Variants in CDH19 observed in about 807,000 individuals in gnomAD.
CDH19 encodes cadherin 19, also known as cadherin-19.
Under a neutral mutation model 64.2 loss-of-function variants are expected in CDH19, and 67 were observed. The ratio of observed to expected loss-of-function variants is 1.04; its 90% CI spans 0.86 to 1.28. The LOEUF is 1.28. Ranked by LOEUF, CDH19 falls within the 50% of genes most tolerant of loss-of-function variation. CDH19 has a pLI of 0.00. For missense variants in CDH19, 1,030 were observed against 929.0 expected (o/e 1.11, Z -1.41); for synonymous variants, 346 against 319.3 (o/e 1.08, Z -0.89).
At chr18:66,520,896 A>G (rs547732329) in intron 9 of CDH19, among the ~76,000 whole-genome samples, 1 of 152,200 alleles carries the variant, frequency 6.6e-6, no homozygotes, top group South Asian at 2.1e-4. Flanking sequence ...TGTTACTTCA[A>G]GATATTAATC....
At chr18:66,596,286 A>G (rs1988886187) in intron 1 of CDH19, 2 of 152,184 alleles carry the variant, frequency 1.3e-5, no homozygotes, top group African/African-American at 4.8e-5. Flanking sequence ...ACTCCTATTT[A>G]ATATAGCTGT....
chr18:66,545,203 C>T (rs1261434477), intron 5 of CDH19, among the ~76,000 whole-genome samples: 2 of 152,008 alleles, frequency 1.3e-5, no homozygotes, highest in African/African-American at 2.4e-5. Flanking sequence ...TGGTCTCGAT[C>T]TCCTGACCTC....
chr18:66,602,548 C>G (rs1989063030), intron 1 of CDH19, among the ~76,000 whole-genome samples: 1 of 151,788 alleles, frequency 6.6e-6, no homozygotes, highest in African/African-American at 2.4e-5. Flanking sequence ...AAGACATATG[C>G]TTTTCGATAT....
In CDH19 at chr18:66,504,018, T is replaced by C. The variant is rs1985058581; in HGVS notation, c.*794A>G. On this transcript the variant is annotated 3_prime_UTR_variant, in exon 12 of 12. Coordinates refer to ENST00000262150, the MANE Select transcript of CDH19 (RefSeq NM_021153.4). ...ATTCTTACAGTGTGAAAGATGAAAA[T>C]TGAGTAAATAAAATAACACTAAGAT... 1 of 151,914 alleles carries C rather than the reference T, an allele frequency of 6.6e-6. No individual in the cohort carries two copies. The highest frequency in any genetic ancestry group is 6.6e-5 in the Admixed American group (1 of 15,220). 9.4% of individuals were successfully genotyped at this position (151,914 alleles called of 1,614,324 possible).
intron 3 of CDH19, among the ~76,000 whole-genome samples, chr18:66,559,189 C>T (rs1391499467): frequency 6.6e-6 from 1 of 151,706 alleles, no homozygotes; most frequent in Non-Finnish European, 1.5e-5. Context: ...ATTGTATTTC[C>T]ATGGAAAATA....
chr18:66,516,834 T>G (rs995454425), intron 9 of CDH19, among the ~76,000 whole-genome samples: 7 of 151,996 alleles, frequency 4.6e-5, no homozygotes. Flanking sequence ...AGGTTCCTAT[T>G]AGGGTAGAAA....
At chr18:66,538,032 T>C (rs1986740904) in intron 7 of CDH19, among the ~76,000 whole-genome samples, 1 of 152,094 alleles carries the variant, frequency 6.6e-6, no homozygotes, top group African/African-American at 2.4e-5. Context: ...TGCATCTTAG[T>C]CTTACTATCT....
At chr18:66,532,751 G>A (rs1382948381) in intron 8 of CDH19, 5 of 451,022 alleles carry the variant, frequency 1.1e-5, no homozygotes, top group African/African-American at 4.0e-5. Context: ...TTTTAGCAAC[G>A]ATCTTGTTCT....
At chr18:66,512,671 G>A (rs1015216779) in intron 9 of CDH19, among the ~76,000 whole-genome samples, 1 of 145,894 alleles carries the variant, frequency 6.9e-6, no homozygotes. Flanking sequence ...TATTCATTTA[G>A]TGTTAATTAA....
At chr18:66,561,874 T>C (rs1345459297) in intron 3 of CDH19, among the ~76,000 whole-genome samples, 2 of 152,106 alleles carry the variant, frequency 1.3e-5, no homozygotes, top group Admixed American at 6.6e-5. Flanking sequence ...GTTGACATTG[T>C]TTGCATTACT....
intron 8 of CDH19, among the ~76,000 whole-genome samples, chr18:66,534,279 A>G (rs1208783583): frequency 6.6e-6 from 1 of 151,960 alleles, no homozygotes; most frequent in Non-Finnish European, 1.5e-5. Context: ...CCCAGATTCA[A>G]GCTCTCCTAC....
intron 1 of CDH19, among the ~76,000 whole-genome samples, chr18:66,586,969 T>A (rs1988597838): frequency 6.6e-6 from 1 of 152,048 alleles, no homozygotes; most frequent in African/African-American, 2.4e-5. Context: ...TACAATATGA[T>A]TTTAGTCTTA....
chr18:66,549,791 G>A lies in CDH19; in HGVS notation c.775+1303C>T, dbSNP rs556729178. ...TTTAGGTGTGGGCATTTGTGTGTGC[G>A]CACACACATTAACAGATATTCTCAA... On this transcript the variant is annotated intron_variant, in intron 5 of 11. Coordinates refer to ENST00000262150, the MANE Select transcript of CDH19 (RefSeq NM_021153.4). Among the ~76,000 whole-genome samples, 38 of 152,060 alleles carry A rather than the reference G, an allele frequency of 2.5e-4. 1 individual carries two copies. The South Asian group carries it at 4.4e-3, about 17-fold the overall frequency.
intron 7 of CDH19, among the ~76,000 whole-genome samples, chr18:66,537,774 A>C (rs1335119780): frequency 6.6e-6 from 1 of 152,050 alleles, no homozygotes; most frequent in Non-Finnish European, 1.5e-5. Context: ...AGCAAGATCT[A>C]GGTATTAAGA....
chr18:66,603,786 T>C (rs1301658350), intron 1 of CDH19, among the ~76,000 whole-genome samples, 168 bp downstream of exon 1: 1 of 152,160 alleles, frequency 6.6e-6, no homozygotes, highest in East Asian at 1.9e-4. Flanking sequence ...CAAGTACACA[T>C]CATGGTTTTA....
chr18:66,534,843 T>A, intron 8 of CDH19, 143 bp downstream of exon 8: 1 of 456,702 alleles, frequency 2.2e-6, no homozygotes, highest in Non-Finnish European at 3.7e-6. Flanking sequence ...ACTAATAAAA[T>A]ACGCAAGTAC....
intron 1 of CDH19, among the ~76,000 whole-genome samples, chr18:66,598,112 G>A (rs528782686): frequency 2.0e-5 from 3 of 152,100 alleles, no homozygotes; most frequent in South Asian, 4.2e-4. Context: ...ACCATCTCAC[G>A]CCAGTCAGAA....
At chr18:66,589,033 A>G (rs934901747) in intron 1 of CDH19, among the ~76,000 whole-genome samples, 4 of 151,888 alleles carry the variant, frequency 2.6e-5, no homozygotes, top group African/African-American at 9.7e-5. Context: ...GGTAGACTGA[A>G]AATTTCATGA....
chr18:66,518,202 G>T (rs1985821648), intron 9 of CDH19, among the ~76,000 whole-genome samples: 1 of 151,790 alleles, frequency 6.6e-6, no homozygotes, highest in South Asian at 2.1e-4. Flanking sequence ...TATTACCTAG[G>T]ATTTAGGTTT....
Sources: gnomAD v4.1 joint callset for allele counts (sites outside exome capture counted in the v4.1 genomes callset) on GRCh38, gnomAD v4.1.1 for gene constraint, MANE v1.5 for transcripts, NCBI Gene and HGNC (gene_info 2026-07-23, HGNC 2026-07-21) for gene names.